IGF1: variants seen among roughly 807,000 people sequenced by gnomAD.
IGF1 encodes the protein insulin like growth factor 1.
Under a neutral mutation model 13.8 loss-of-function variants are expected in IGF1, and 4 were observed. That is an observed-to-expected ratio of 0.29 (90% CI 0.14 to 0.66). The LOEUF is 0.66. Among genes scored for constraint, IGF1 ranks in the 30% least tolerant of loss-of-function variants. The pLI is 0.78. For synonymous variants in IGF1, 76 were observed against 72.6 expected, an observed-to-expected ratio of 1.05 and a Z score of -0.23; for missense variants, 124 against 188.5, an observed-to-expected ratio of 0.66 and a Z score of 2.00.
intron 2 of IGF1, among the ~76,000 whole-genome samples, chr12:102,448,991 G>A (rs975041642): frequency 2.3e-4 from 35 of 152,172 alleles, no homozygotes; most frequent in African/African-American, 6.0e-4. Context: ...ACGGTGTGGC[G>A]ATTTCTCAAG....
chr12:102,457,297 C>G lies in IGF1; in HGVS notation c.220+18346G>C, dbSNP rs1223226911. On this transcript the variant is annotated intron_variant, in intron 2 of 3. Transcript: ENST00000337514. ...AGGAATCCTCATGCTAAAAGAAAAGCAACCAACAGTGCCCATGTTATCTGC... is the reference window on the plus strand; with the variant it reads ...AGGAATCCTCATGCTAAAAGAAAAGGAACCAACAGTGCCCATGTTATCTGC... Among the ~76,000 whole-genome samples the G allele has an allele frequency of 3.3e-5, 5 of 152,316 alleles. No individual in the cohort carries two copies. In the East Asian group the frequency reaches 9.6e-4, roughly 29 times the overall value.
chr12:102,421,383 C>T (rs1390858234), intron 2 of IGF1, among the ~76,000 whole-genome samples: 1 of 152,058 alleles, frequency 6.6e-6, no homozygotes, highest in African/African-American at 2.4e-5. Context: ...TAATCTTTTC[C>T]TGGAACTATA....
At chr12:102,403,611 C>A in intron 3 of IGF1, among the ~76,000 whole-genome samples, 1 of 149,754 alleles carries the variant, frequency 6.7e-6, no homozygotes, top group Admixed American at 6.7e-5. Flanking sequence ...CGCATGCCAC[C>A]ATGCCTTGAC....
intron 2 of IGF1, among the ~76,000 whole-genome samples, chr12:102,449,260 A>G (rs1878685362): frequency 1.3e-5 from 2 of 152,146 alleles, no homozygotes; most frequent in South Asian, 4.1e-4. Flanking sequence ...GACATGGATG[A>G]AGCTGAAAAC....
rs944267688 is a variant in IGF1, at chr12:102,396,659, A to G, written c.*5848T>C. 1 of 383,526 alleles carries G rather than the reference A, an allele frequency of 2.6e-6. No homozygotes were observed. The allele number at this position is 383,526 out of a possible 1,614,324, so 23.8% of individuals were successfully genotyped here. ...GCCTCAGTAATATAAAAAAAGGCAG[A>G]TTCTAAGGATTGTGGAAGGTCATGT... On this transcript the variant is annotated 3_prime_UTR_variant, in exon 4 of 4. Coordinates refer to ENST00000337514, the MANE Select transcript of IGF1 (RefSeq NM_000618.5).
At chr12:102,461,051 A>G (rs562687018) in intron 2 of IGF1, among the ~76,000 whole-genome samples, 1 of 152,326 alleles carries the variant, frequency 6.6e-6, no homozygotes, top group Admixed American at 6.5e-5. Flanking sequence ...CCAGGGGATT[A>G]ATAATCAAAT....
chr12:102,456,024 C>T (rs186206805), intron 2 of IGF1, among the ~76,000 whole-genome samples: 1 of 152,206 alleles, frequency 6.6e-6, no homozygotes, highest in East Asian at 1.9e-4. Flanking sequence ...TCTCTTTGGT[C>T]ATTATGCTCA....
In IGF1 at chr12:102,397,117, G is replaced by C; in HGVS notation, c.*5390C>G. 1 of 310,694 alleles carries C rather than the reference G, an allele frequency of 3.2e-6. No homozygotes were observed. Among genetic ancestry groups the C allele is most frequent in the East Asian group, 5.0e-5 (1 of 20,000 alleles). The allele number at this position is 310,694 out of a possible 1,614,324, so 19.2% of individuals were successfully genotyped here. ...CTCAGGAGGCTGAGGCAGGAGAATC[G>C]CTTAAACCCAGGAGGTGGAGGTTGC... is the stretch of plus-strand genomic sequence containing the variant. On this transcript the variant is annotated 3_prime_UTR_variant, in exon 4 of 4. Transcript: ENST00000337514.
chr12:102,452,621 A>G (rs898784675), intron 2 of IGF1, among the ~76,000 whole-genome samples: 5 of 152,228 alleles, frequency 3.3e-5, no homozygotes, highest in African/African-American at 9.7e-5. Flanking sequence ...TCCTTCCAGA[A>G]GGCATGGTGC....
upstream of IGF1, chr12:102,480,693 G>T: frequency 1.0e-6 from 1 of 953,928 alleles, no homozygotes; most frequent in Non-Finnish European, 1.4e-6. Flanking sequence ...GACTTTTTTG[G>T]GCATGGTGAC....
Position 102,397,659 on chromosome 12 carries a change from TCAA to T in IGF1, c.*4845_*4847del. 1 of 152,278 alleles carries T rather than the reference TCAA, an allele frequency of 6.6e-6. No homozygotes were observed. Among genetic ancestry groups the T allele is most frequent in the South Asian group, 2.1e-4 (1 of 4,826 alleles). The allele number at this position is 152,278 out of a possible 1,614,324, so 9.4% of individuals were successfully genotyped here. ...ACAAAACAAAATCCAAAACCAAGAA[TCAA>T]CAACATTTTCCTTTTGTTGTTGCCC... is the stretch of plus-strand genomic sequence containing the variant. On this transcript the variant is annotated 3_prime_UTR_variant, in exon 4 of 4. Coordinates refer to ENST00000337514, the MANE Select transcript of IGF1 (RefSeq NM_000618.5).
At chr12:102,424,518 C>T (rs752173266) in intron 2 of IGF1, among the ~76,000 whole-genome samples, 8 of 151,910 alleles carry the variant, frequency 5.3e-5, no homozygotes, top group Admixed American at 1.3e-4. Context: ...TAACTTGGAA[C>T]GGTTAGTTTT....
chr12:102,417,417 G>C, intron 3 of IGF1: 1 of 447,496 alleles, frequency 2.2e-6, no homozygotes, highest in Non-Finnish European at 3.0e-6. Context: ...ATTTAACTCT[G>C]AACATATATT....
chr12:102,463,487 T>C (rs1880081792), intron 2 of IGF1: 1 of 152,194 alleles, frequency 6.6e-6, no homozygotes, highest in South Asian at 2.1e-4. Context: ...AATCAGCTTT[T>C]TCCTTTATTT....
chr12:102,398,779 T>C lies in IGF1; in HGVS notation c.*3728A>G, dbSNP rs1373948818. The C allele has an allele frequency of 6.6e-6, 1 of 152,280 alleles. No individual in the cohort carries two copies. Among genetic ancestry groups the C allele is most frequent in the Non-Finnish European group, 1.5e-5 (1 of 68,004 alleles). The allele number at this position is 152,280 out of a possible 1,614,324, so 9.4% of individuals were successfully genotyped here. A position where few individuals can be genotyped will look rare whatever the true frequency, so the allele number is the denominator to read the frequency against. On this transcript the variant is annotated 3_prime_UTR_variant, in exon 4 of 4. Transcript: ENST00000337514. ...ATACTTTAAAAAAATATGTCTATGC[T>C]TTCTTTTTTTTCTTTTTTTCTTTTT...
chr12:102,420,927 A>G (rs1422228290), intron 2 of IGF1, among the ~76,000 whole-genome samples: 1 of 152,190 alleles, frequency 6.6e-6, no homozygotes, highest in African/African-American at 2.4e-5. Context: ...TCACAAGTCT[A>G]TGTTTCTGTA....
chr12:102,474,487 C>T lies in IGF1; in HGVS notation c.220+1156G>A, dbSNP rs144116950. 2.0e-5 allele frequency among the ~76,000 whole-genome samples: 3 copies of T among 152,324 alleles called. No individual in the cohort carries two copies. In the East Asian group the frequency reaches 5.8e-4, roughly 29 times the overall value. On this transcript the variant is annotated intron_variant, in intron 2 of 3. Coordinates refer to ENST00000337514, the MANE Select transcript of IGF1 (RefSeq NM_000618.5). Reference sequence around the variant, plus strand: ...TTCTTCCCATCTCCCTTACTGATCTCCAGACTGGTATACACAGGCCACCCT... The same window carrying T: ...TTCTTCCCATCTCCCTTACTGATCTTCAGACTGGTATACACAGGCCACCCT...
intron 2 of IGF1, among the ~76,000 whole-genome samples, chr12:102,438,267 C>T (rs1424982530): frequency 6.6e-6 from 1 of 152,172 alleles, no homozygotes; most frequent in Non-Finnish European, 1.5e-5. Context: ...GAGACATCGA[C>T]GACTGGCCTG....
chr12:102,411,069 T>C (rs1874596121), intron 3 of IGF1, among the ~76,000 whole-genome samples: 1 of 152,232 alleles, frequency 6.6e-6, no homozygotes, highest in Admixed American at 6.5e-5. Context: ...ATCCTAGTGT[T>C]CTTTTGAAGA....
Sources: gnomAD v4.1 joint callset for allele counts (sites outside exome capture counted in the v4.1 genomes callset) on GRCh38, gnomAD v4.1.1 for gene constraint, MANE v1.5 for transcripts, NCBI Gene and HGNC (gene_info 2026-07-23, HGNC 2026-07-21) for gene names.